S100Z: variants seen among roughly 807,000 people sequenced by gnomAD.
S100Z encodes S100 calcium binding protein Z, also known as protein S100-Z.
Under a neutral mutation model 8.5 loss-of-function variants are expected in S100Z, and 11 were observed. The observed-to-expected ratio is 1.30, with a 90% CI of 0.82 to 2.15. The LOEUF is 2.15. Among genes scored for constraint, S100Z ranks in the 30% most tolerant of loss-of-function variants. The pLI, the probability that S100Z is intolerant of heterozygous loss-of-function variation, is 0.00. For synonymous variants in S100Z, 34 were observed against 43.8 expected, an observed-to-expected ratio of 0.78 and a Z score of 0.89; for missense variants, 126 against 117.9, an observed-to-expected ratio of 1.07 and a Z score of -0.32.
intron 4 of S100Z, among the ~76,000 whole-genome samples, chr5:76,910,843 T>C (rs59614758): frequency 0.021 from 3,198 of 152,328 alleles, 136 homozygotes; most frequent in African/African-American, 0.072. Context: ...CAAGGTCCGT[T>C]ACCATCCGAG....
rs890781618 is a variant in S100Z, at chr5:76,921,508, G to A, written c.*794G>A. 26 of 152,234 alleles carry A rather than the reference G, an allele frequency of 1.7e-4. No homozygotes were observed. The highest frequency in any genetic ancestry group is 5.8e-4 in the African/African-American group (24 of 41,542). 9.4% of individuals were successfully genotyped at this position (152,234 alleles called of 1,614,324 possible). On this transcript the variant is annotated 3_prime_UTR_variant, in exon 5 of 5. Coordinates refer to ENST00000317593, the MANE Select transcript of S100Z (RefSeq NM_130772.4). ...CCTTCCTTTCTTTGTGAGAGTTAAC[G>A]ATTATTTAAAAGTATTCATAATTTT...
At chr5:76,873,456 C>T (rs375682891) in intron 2 of S100Z, among the ~76,000 whole-genome samples, 2 of 152,060 alleles carry the variant, frequency 1.3e-5, no homozygotes, top group East Asian at 1.9e-4. Context: ...TACAGGCGTG[C>T]ACCACCATAT....
At position 76,887,319 on chromosome 5, in the gene S100Z, G is replaced by A. The variant is rs563770329; in HGVS notation, c.*2+9485G>A. ...ACCATGTTGGGGCCAGAAAGGTCTC[G>A]ATCTCCTGACCTTGTAATCTGCCTG... is the stretch of plus-strand genomic sequence containing the variant. On this transcript the variant is annotated intron_variant, in intron 4 of 4. Transcript: ENST00000317593. Among the ~76,000 whole-genome samples the A allele has an allele frequency of 7.4e-5, 11 of 148,802 alleles. No homozygotes were observed. The South Asian group carries it at 1.5e-3, about 20-fold the overall frequency.
chr5:76,945,047 A>G, the S100Z span, among the ~76,000 whole-genome samples: 1 of 152,210 alleles, frequency 6.6e-6, no homozygotes, highest in Non-Finnish European at 1.5e-5. Context: ...TGTACTCTGA[A>G]CAATTGCTTT....
At chr5:76,940,215 AAAAAAAGC>A in the S100Z span, among the ~76,000 whole-genome samples, 20 of 152,098 alleles carry the variant, frequency 1.3e-4, no homozygotes, top group Admixed American at 7.2e-4. Context: ...CCAAAAAGAG[AAAAAAAGC>A]AACTGTCAAA....
At chr5:76,890,586 G>A (rs1417991648) in intron 4 of S100Z, among the ~76,000 whole-genome samples, 1 of 152,138 alleles carries the variant, frequency 6.6e-6, no homozygotes, top group Non-Finnish European at 1.5e-5. Context: ...GGGGTTTGAG[G>A]CTGCAGTAAT....
chr5:76,924,773 G>T (rs1057145385), downstream of S100Z, among the ~76,000 whole-genome samples: 1 of 152,130 alleles, frequency 6.6e-6, no homozygotes, highest in Non-Finnish European at 1.5e-5. Flanking sequence ...AGCCGGGCAT[G>T]GTGGCAGGCA....
intron 4 of S100Z, among the ~76,000 whole-genome samples, chr5:76,909,573 A>G (rs1473223484): frequency 6.6e-6 from 1 of 152,114 alleles, no homozygotes; most frequent in African/African-American, 2.4e-5. Flanking sequence ...TAGCCTCCCT[A>G]TAGCTCCCCT....
intron 4 of S100Z, among the ~76,000 whole-genome samples, chr5:76,914,154 A>G (rs1309527753): frequency 6.6e-6 from 1 of 152,054 alleles, no homozygotes; most frequent in Non-Finnish European, 1.5e-5. Context: ...GGAGGACATT[A>G]CAACTGCAGG....
chr5:76,905,490 G>A (rs561643319), intron 4 of S100Z, among the ~76,000 whole-genome samples: 258 of 151,780 alleles, frequency 1.7e-3, no homozygotes, highest in Non-Finnish European at 3.0e-3. Context: ...TCGGTTCATC[G>A]CAAGCTCCAC....
At chr5:76,943,710 A>G in the S100Z span, among the ~76,000 whole-genome samples, 1 of 152,076 alleles carries the variant, frequency 6.6e-6, no homozygotes, top group African/African-American at 2.4e-5. Flanking sequence ...CCAATTTGAG[A>G]CACCATCTGT....
intron 2 of S100Z, among the ~76,000 whole-genome samples, chr5:76,874,140 T>A (rs903883042): frequency 6.6e-6 from 1 of 152,094 alleles, no homozygotes; most frequent in Middle Eastern, 3.4e-3. Flanking sequence ...ATTTCTTTTT[T>A]ACACAGTTGG....
intron 4 of S100Z, among the ~76,000 whole-genome samples, chr5:76,914,314 G>C (rs1691750262): frequency 6.6e-6 from 1 of 151,980 alleles, no homozygotes; most frequent in South Asian, 2.1e-4. Flanking sequence ...AGAATTTTCT[G>C]TCTAGCTAAA....
intron 4 of S100Z, among the ~76,000 whole-genome samples, chr5:76,884,826 G>A (rs1284317853): frequency 6.6e-6 from 1 of 152,104 alleles, no homozygotes; most frequent in African/African-American, 2.4e-5. Context: ...CTGGGGAGAA[G>A]GGGAGAGGTC....
the S100Z span, chr5:76,948,707 C>G: frequency 6.6e-6 from 1 of 152,192 alleles, no homozygotes; most frequent in Non-Finnish European, 1.5e-5. Context: ...AAAGGAAACC[C>G]TGGCCACTGT....
chr5:76,941,845 T>C, the S100Z span, among the ~76,000 whole-genome samples: 4 of 152,238 alleles, frequency 2.6e-5, no homozygotes, highest in Non-Finnish European at 5.9e-5. Context: ...GGGATTCTTC[T>C]GGGCAGGAGA....
At chr5:76,938,369 C>T in the S100Z span, among the ~76,000 whole-genome samples, 1 of 152,076 alleles carries the variant, frequency 6.6e-6, no homozygotes, top group East Asian at 1.9e-4. Context: ...TTATGGCTGG[C>T]TTTGGGGATT....
the S100Z span, among the ~76,000 whole-genome samples, chr5:76,929,292 A>T: frequency 6.6e-6 from 1 of 152,338 alleles, no homozygotes; most frequent in African/African-American, 2.4e-5. Flanking sequence ...TTCTGAAAAA[A>T]GTTTGCAAAT....
chr5:76,853,654 A>AG (rs1750794431), intron 1 of S100Z, among the ~76,000 whole-genome samples: 1 of 152,042 alleles, frequency 6.6e-6, no homozygotes. Context: ...AAAATTAGCC[A>AG]GGTGTGATGG....
Sources: gnomAD v4.1 joint callset for allele counts (sites outside exome capture counted in the v4.1 genomes callset) on GRCh38, gnomAD v4.1.1 for gene constraint, MANE v1.5 for transcripts, NCBI Gene and HGNC (gene_info 2026-07-23, HGNC 2026-07-21) for gene names.